NPR1: variants seen among roughly 807,000 people sequenced by gnomAD.
NPR1 encodes the protein natriuretic peptide receptor 1.
Under a neutral mutation model 116.9 loss-of-function variants are expected in NPR1, and 57 were observed. The observed-to-expected ratio is 0.49, with a 90% CI of 0.39 to 0.61. The LOEUF (loss-of-function observed/expected upper bound fraction) is 0.61, where lower values mean the gene tolerates loss of function less well. NPR1 is among the 20% of genes least tolerant of loss of function. The pLI is 0.00. For missense variants in NPR1, 1,096 were observed against 1,409.8 expected, an observed-to-expected ratio of 0.78 and a Z score of 3.56; for synonymous variants, 555 against 601.6, an observed-to-expected ratio of 0.92 and a Z score of 1.13.
In NPR1 at chr1:153,689,860, G is replaced by A. The variant is rs1430577105; in HGVS notation, c.2812G>A (p.Gly938Arg). 4 of 1,593,866 alleles carry A rather than the reference G, an allele frequency of 2.5e-6. No individual in the cohort carries two copies. Among genetic ancestry groups the A allele is most frequent in the Admixed American group, 3.4e-5 (2 of 58,316 alleles). ...GGTGTCAGGGCTCCCTGTGCGGAAC[G>A]GGCGGCTACACGCCTGCGAGGTAGC... ...MVVSGLPVRN[G>R]RLHACEVARM... Residue 938 changes from glycine (G) to arginine (R), a missense_variant, in exon 19 of 22, where the codon GGG becomes AGG. Transcript: ENST00000368680. This position sits in a 1 kb window ranked among gnomAD's most constrained non-coding sequence, Gnocchi z 5.1.
chr1:153,685,190 T>C, intron 8 of NPR1, 106 bp downstream of exon 8: 1 of 1,441,270 alleles, frequency 6.9e-7, no homozygotes, highest in Non-Finnish European at 9.3e-7. Flanking sequence ...CCAGCTCTGC[T>C]TTCACTTGCT....
chr1:153,680,699 A>G lies in NPR1; in HGVS notation c.920A>G (p.Gln307Arg), dbSNP rs1669747606. 1 of 1,611,892 alleles carries G rather than the reference A, an allele frequency of 6.2e-7. No homozygotes were observed. The highest frequency in any genetic ancestry group is 2.2e-5 in the East Asian group (1 of 44,860). Residue 307 changes from glutamine (Q) to arginine (R), a missense_variant and splice_region_variant, in exon 2 of 22, where the codon CAG becomes CGG. Physicochemically the swap from Gln to Arg is conservative, Grantham distance 43. Transcript: ENST00000368680. ...GQDVSARQAF[Q>R]AAKIITYKDP... ...GATGTCAGTGCCCGCCAGGCCTTTCAGGTGAGTACCTAGGTTTGAAGCCCA... is the reference window on the plus strand; with the variant it reads ...GATGTCAGTGCCCGCCAGGCCTTTCGGGTGAGTACCTAGGTTTGAAGCCCA...
intron 9 of NPR1, 53 bp from the exon 10 acceptor site, chr1:153,686,070 C>A: frequency 6.3e-7 from 1 of 1,582,470 alleles, no homozygotes; most frequent in Non-Finnish European, 8.7e-7. Context: ...AGCTGGAATT[C>A]CCAGGACATG....
intron 7 of NPR1, among the ~76,000 whole-genome samples, chr1:153,684,624 T>C (rs941175619): frequency 8.5e-5 from 13 of 152,110 alleles, no homozygotes; most frequent in African/African-American, 2.7e-4. Flanking sequence ...TCTCTTGACC[T>C]CATGATCCAC....
Position 153,689,771 on chromosome 1 carries a change from C to A in NPR1, c.2758-35C>A. ...GGTGTGGCCGGCCGCACAGTTGCAG[C>A]CGTCAAGTCCTGCACCCCCTCGCCA... is the stretch of plus-strand genomic sequence containing the variant. On this transcript the variant is annotated intron_variant, in intron 18 of 21. Transcript: ENST00000368680. The surrounding 1 kb of genome is among the most constrained non-coding windows in gnomAD (Gnocchi z 5.1). 6.7e-7 allele frequency: 1 copy of A among 1,490,654 alleles called. No individual in the cohort carries two copies. The highest frequency in any genetic ancestry group is 1.4e-5 in the African/African-American group (1 of 71,968). 92.3% of individuals were successfully genotyped at this position (1,490,654 alleles called of 1,614,324 possible).
At chr1:153,684,319 G>GA (rs1401062764) in intron 7 of NPR1, among the ~76,000 whole-genome samples, 3 of 147,840 alleles carry the variant, frequency 2.0e-5, no homozygotes, top group Non-Finnish European at 4.5e-5. Flanking sequence ...AGGGAGGGGA[G>GA]AAAAATCACT....
At chr1:153,688,368 C>A in intron 15 of NPR1, 147 bp downstream of exon 15, 1 of 758,092 alleles carries the variant, frequency 1.3e-6, no homozygotes, top group Non-Finnish European at 2.1e-6. Context: ...TCAGCACAGC[C>A]TCATGACCCT....
rs1669963353 is a variant in NPR1 at position 153,687,456 on chromosome 1, C to T, written c.2092+100C>T. ...GGGCTTGGGCATGCTTGTCCTGACT[C>T]CAGCCTCAATTCATTCACCCATGAA... is the stretch of plus-strand genomic sequence containing the variant. On this transcript the variant is annotated intron_variant, in intron 13 of 21. Transcript: ENST00000368680. The T allele has an allele frequency of 2.7e-6, 4 of 1,508,568 alleles. No homozygotes were observed. The Admixed American group carries it at 6.2e-5, about 23-fold the overall frequency. The allele number at this position is 1,508,568 out of a possible 1,614,324, so 93.4% of individuals were successfully genotyped here.
intron 20 of NPR1, among the ~76,000 whole-genome samples, chr1:153,692,039 C>G (rs1381239893): frequency 1.3e-5 from 2 of 152,170 alleles, no homozygotes; most frequent in Admixed American, 1.3e-4. Flanking sequence ...CACTCCATCA[C>G]TGACCTCCTC....
Position 153,679,199 on chromosome 1 carries a change from C to T in NPR1, c.91C>T (p.His31Tyr). The change falls in exon 1 of 22, where the codon CAC becomes TAC. Residue 31 changes from histidine (H) to tyrosine (Y), a missense_variant. By Grantham distance (83) the His-to-Tyr change is moderately conservative. Coordinates refer to ENST00000368680, the MANE Select transcript of NPR1 (RefSeq NM_000906.4). This position sits in a 1 kb window ranked among gnomAD's most constrained non-coding sequence, Gnocchi z 4.2. ...GCTGCTGCTGCTGCTCCGGGGCAGC[C>T]ACGCGGGCAACCTGACGGTAGCCGT... ...PPLLLLLRGSHAGNLTVAVVL... is the reference protein window; with the variant it reads ...PPLLLLLRGSYAGNLTVAVVL... 1 of 1,514,030 alleles carries T rather than the reference C, an allele frequency of 6.6e-7. No individual in the cohort carries two copies. The allele number at this position is 1,514,030 out of a possible 1,614,324, so 93.8% of individuals were successfully genotyped here. A position where few individuals can be genotyped will look rare whatever the true frequency, so the allele number is the denominator to read the frequency against.
chr1:153,685,919 G>A (rs1166325865), intron 9 of NPR1, 39 bp downstream of exon 9: 11 of 1,577,248 alleles, frequency 7.0e-6, no homozygotes, highest in Non-Finnish European at 9.6e-6. Flanking sequence ...TGGGACTGGG[G>A]CAGGAGTGTA....
At chr1:153,690,543 C>G (rs1670078560) in intron 20 of NPR1, among the ~76,000 whole-genome samples, 161 bp downstream of exon 20, 1 of 152,108 alleles carries the variant, frequency 6.6e-6, no homozygotes, top group Admixed American at 6.6e-5. Flanking sequence ...GGCTCATCAA[C>G]TTGACTGTAA....
In NPR1 at chr1:153,689,225, C is replaced by A. The variant is rs1285054809; in HGVS notation, c.2602C>A (p.Gln868Lys). The change falls in exon 17 of 22, where the codon CAG becomes AAG. Residue 868 changes from glutamine (Q) to lysine (K), a missense_variant. Transcript: ENST00000368680. The surrounding 1 kb of genome is among the most constrained non-coding windows in gnomAD (Gnocchi z 5.1). ...GCAGCTGAAGCGTGGGGAGACGGTGCAGGCCGAAGCCTTTGACAGTGTTAC... is the reference window on the plus strand; with the variant it reads ...GCAGCTGAAGCGTGGGGAGACGGTGAAGGCCGAAGCCTTTGACAGTGTTAC... ...AEQLKRGETV[Q>K]AEAFDSVTIY... The A allele has an allele frequency of 6.2e-7, 1 of 1,614,210 alleles. No individual in the cohort carries two copies.
At chr1:153,687,564 A>G in intron 13 of NPR1, 70 bp from the exon 14 acceptor site, 1 of 1,520,718 alleles carries the variant, frequency 6.6e-7, no homozygotes, top group Non-Finnish European at 8.8e-7. Context: ...TTTCGGCCAC[A>G]CCCTTGTTTC....
chr1:153,685,948 G>A (rs545275520), intron 9 of NPR1, 68 bp downstream of exon 9: 9 of 1,503,536 alleles, frequency 6.0e-6, no homozygotes, highest in South Asian at 5.6e-5. Context: ...GAGGACTGGT[G>A]GGGGGTTCTG....
Position 153,681,281 on chromosome 1 carries a change from G to A in NPR1, c.1023G>A (p.Met341Ile). 1 of 1,607,034 alleles carries A rather than the reference G, an allele frequency of 6.2e-7. No homozygotes were observed. Among genetic ancestry groups the A allele is most frequent in the South Asian group, 1.1e-5 (1 of 90,946 alleles). The change falls in exon 3 of 22, where the codon ATG becomes ATA. Residue 341 changes from methionine (M) to isoleucine (I), a missense_variant. Coordinates refer to ENST00000368680, the MANE Select transcript of NPR1 (RefSeq NM_000906.4). ...CCTATGAGCAGTTCAACTTCACCATGGAGGATGGCCTGGTAAGAAGGGGTC... is the reference window on the plus strand; with the variant it reads ...CCTATGAGCAGTTCAACTTCACCATAGAGGATGGCCTGGTAAGAAGGGGTC... ...HLAYEQFNFT[M>I]EDGLVNTIPA...
chr1:153,688,813 G>T, intron 15 of NPR1, 140 bp from the exon 16 acceptor site: 1 of 971,062 alleles, frequency 1.0e-6, no homozygotes, highest in Non-Finnish European at 1.6e-6. Flanking sequence ...CCTGCTCCCC[G>T]GTATCCTGCT....
At position 153,689,534 on chromosome 1, in the gene NPR1, G is replaced by A. The variant is rs915501450; in HGVS notation, c.2757+13G>A. On this transcript the variant is annotated intron_variant, in intron 18 of 21. Transcript: ENST00000368680. This position sits in a 1 kb window ranked among gnomAD's most constrained non-coding sequence, Gnocchi z 5.1. ...TGATGTGTACAAGGTGAGGGTGGGAGTGGGGATGGGAAGGGACAGACAGAC... is the reference window on the plus strand; with the variant it reads ...TGATGTGTACAAGGTGAGGGTGGGAATGGGGATGGGAAGGGACAGACAGAC... 2 of 1,611,940 alleles carry A rather than the reference G, an allele frequency of 1.2e-6. No individual in the cohort carries two copies. The highest frequency in any genetic ancestry group is 2.7e-5 in the African/African-American group (2 of 74,900).
intron 6 of NPR1, 84 bp downstream of exon 6, chr1:153,683,595 C>A: frequency 1.3e-6 from 2 of 1,580,880 alleles, no homozygotes. Context: ...GCTCCTGTCC[C>A]ATGCTGAGGG....
Sources: allele counts gnomAD v4.1 joint callset (sites outside exome capture counted in the v4.1 genomes callset), GRCh38; gene constraint gnomAD v4.1.1; non-coding constraint Gnocchi (gnomAD v3.1); transcripts MANE v1.5; gene names NCBI Gene and HGNC (gene_info 2026-07-23, HGNC 2026-07-21).